The following MALRD1 variants were observed in gnomAD, a reference collection of about 807,000 sequenced individuals.
The protein encoded by MALRD1 is MAM and LDL-receptor class A domain-containing protein 1.
A neutral mutation model predicts 242.1 loss-of-function variants in MALRD1; 247 were observed. The ratio of observed to expected loss-of-function variants is 1.02; its 90% CI spans 0.92 to 1.13. The LOEUF (loss-of-function observed/expected upper bound fraction) is 1.13, where lower values mean the gene tolerates loss of function less well. Ranked by LOEUF, MALRD1 falls within the 50% of genes most tolerant of loss-of-function variation. The pLI, the probability that MALRD1 is intolerant of heterozygous loss-of-function variation, is 0.00. For missense variants in MALRD1, 2,989 were observed against 2,533.1 expected (o/e 1.18, Z -3.86); for synonymous variants, 995 against 866.6 (o/e 1.15, Z -2.60).
chr10:19,673,356 C>T (rs1435936038), intron 36 of MALRD1, among the ~76,000 whole-genome samples: 1 of 152,104 alleles, frequency 6.6e-6, no homozygotes, highest in East Asian at 1.9e-4. Context: ...CACTGCACTC[C>T]AGCCTGGGTG....
chr10:19,413,206 A>G (rs935980290), intron 28 of MALRD1, among the ~76,000 whole-genome samples: 2 of 152,198 alleles, frequency 1.3e-5, no homozygotes, highest in African/African-American at 4.8e-5. Context: ...CTGACTTCAT[A>G]GCCCTTGATA....
rs149000981 is a variant in MALRD1, at chr10:19,708,632, C to T, written c.6314+16078C>T. 3.8e-3 allele frequency among the ~76,000 whole-genome samples: 449 copies of T among 118,126 alleles called. 125 individuals carry two copies. The East Asian group carries it at 0.086, about 23-fold the overall frequency. The allele number at this position is 118,126 out of a possible 152,430, so 77.5% of individuals were successfully genotyped here. ...AAGTACTGGAATCATGTGCCTGAGC[C>T]GCCGTGCCTGGCCACATTTATTTTT... is the stretch of plus-strand genomic sequence containing the variant. On this transcript the variant is annotated intron_variant, in intron 38 of 39. Transcript: ENST00000454679.
intron 26 of MALRD1, among the ~76,000 whole-genome samples, chr10:19,366,293 C>T (rs1022221905): frequency 6.6e-6 from 1 of 151,788 alleles, no homozygotes; most frequent in Middle Eastern, 3.2e-3. Flanking sequence ...ATAAGGAGCA[C>T]ACAACCTAGA....
At chr10:19,673,817 C>T (rs940381311) in intron 36 of MALRD1, among the ~76,000 whole-genome samples, 1 of 151,692 alleles carries the variant, frequency 6.6e-6, no homozygotes, top group Non-Finnish European at 1.5e-5. Context: ...TTTCAGATTT[C>T]TATTGATATA....
chr10:19,252,517 A>G (rs1403810352), intron 18 of MALRD1, among the ~76,000 whole-genome samples: 2 of 152,086 alleles, frequency 1.3e-5, no homozygotes, highest in East Asian at 1.9e-4. Flanking sequence ...AAAGATCAAC[A>G]TAAATTTTGT....
At position 19,570,128 on chromosome 10, in the gene MALRD1, TA is replaced by T. The variant is rs1836453400; in HGVS notation, c.5680+2428del. 2.0e-5 allele frequency among the ~76,000 whole-genome samples: 3 copies of T among 152,022 alleles called. No homozygotes were observed. In the South Asian group the frequency reaches 6.2e-4, roughly 31 times the overall value. ...AACAAAACACTAAGACCTTTGGTATTAAACCTTGAACTTTGTCATTTTGTGT... is the reference window on the plus strand; with the variant it reads ...AACAAAACACTAAGACCTTTGGTATTAACCTTGAACTTTGTCATTTTGTGT... On this transcript the variant is annotated intron_variant, in intron 33 of 39. Coordinates refer to ENST00000454679, the MANE Select transcript of MALRD1 (RefSeq NM_001142308.3).
intron 18 of MALRD1, among the ~76,000 whole-genome samples, chr10:19,255,541 G>T (rs1307546255): frequency 5.9e-5 from 9 of 151,894 alleles, no homozygotes; most frequent in Non-Finnish European, 1.3e-4. Context: ...GCTGAAGTGT[G>T]ATTATTATCA....
intron 12 of MALRD1, among the ~76,000 whole-genome samples, chr10:19,156,917 T>C (rs1834170978): frequency 6.6e-6 from 1 of 152,130 alleles, no homozygotes; most frequent in Non-Finnish European, 1.5e-5. Flanking sequence ...TTTGGGTGCT[T>C]GGTAGTTTAT....
chr10:19,456,346 C>G (rs1416078179), intron 29 of MALRD1, among the ~76,000 whole-genome samples: 1 of 151,488 alleles, frequency 6.6e-6, no homozygotes, highest in South Asian at 2.1e-4. Context: ...ACTTTTGCAT[C>G]TTTCATTTTT....
At chr10:19,318,540 A>G (rs1322741370) in intron 21 of MALRD1, among the ~76,000 whole-genome samples, 1 of 149,652 alleles carries the variant, frequency 6.7e-6, no homozygotes, top group Non-Finnish European at 1.5e-5. Flanking sequence ...TTATTTGTGT[A>G]GTTTCTGGGA....
intron 28 of MALRD1, among the ~76,000 whole-genome samples, chr10:19,448,284 ATGTCATT>A (rs1186356750): frequency 6.6e-6 from 1 of 152,078 alleles, no homozygotes; most frequent in Non-Finnish European, 1.5e-5. Context: ...TCCCTTCTGT[ATGTCATT>A]TCCCTAAATC....
At chr10:19,613,059 C>T (rs183435201) in intron 35 of MALRD1, among the ~76,000 whole-genome samples, 79 of 152,038 alleles carry the variant, frequency 5.2e-4, no homozygotes, top group Non-Finnish European at 8.2e-4. Flanking sequence ...CACTATCCTT[C>T]ATGATTATCA....
At chr10:19,087,698 C>A (rs1328594516) in intron 2 of MALRD1, 142 bp from the exon 3 acceptor site, 4 of 415,294 alleles carry the variant, frequency 9.6e-6, no homozygotes, top group Non-Finnish European at 1.6e-5. Context: ...ATGTTACAAA[C>A]AATCCAATCA....
At chr10:19,443,679 T>G (rs1834797988) in intron 28 of MALRD1, among the ~76,000 whole-genome samples, 1 of 152,226 alleles carries the variant, frequency 6.6e-6, no homozygotes, top group Non-Finnish European at 1.5e-5. Flanking sequence ...CACTGTGGTC[T>G]GTGAGACAGT....
chr10:19,342,204 C>T (rs899029191), intron 24 of MALRD1, among the ~76,000 whole-genome samples: 4 of 152,136 alleles, frequency 2.6e-5, no homozygotes, highest in Non-Finnish European at 4.4e-5. Context: ...ACAGTGTACA[C>T]TGCCTCTGGG....
At chr10:19,635,448 A>G (rs1207101688) in intron 36 of MALRD1, among the ~76,000 whole-genome samples, 2 of 152,210 alleles carry the variant, frequency 1.3e-5, no homozygotes, top group East Asian at 1.9e-4. Context: ...AATTAGGCAT[A>G]AAAACTAGTC....
intron 2 of MALRD1, among the ~76,000 whole-genome samples, chr10:19,073,458 T>C (rs560556599): frequency 6.6e-6 from 1 of 152,182 alleles, no homozygotes; most frequent in East Asian, 1.9e-4. Flanking sequence ...TGCTCCGAAA[T>C]TGGAAACTTT....
intron 19 of MALRD1, among the ~76,000 whole-genome samples, chr10:19,262,634 C>T (rs981573990): frequency 7.0e-5 from 10 of 143,122 alleles, no homozygotes; most frequent in South Asian, 4.4e-4. Flanking sequence ...CCAGCCTGCG[C>T]GACAGAGCAA....
At chr10:19,235,227 A>G (rs757211558) in intron 18 of MALRD1, among the ~76,000 whole-genome samples, 1 of 152,142 alleles carries the variant, frequency 6.6e-6, no homozygotes, top group African/African-American at 2.4e-5. Context: ...AAGTAGGGCT[A>G]TAGCTAAAAA....
Sources: allele counts gnomAD v4.1 joint callset (sites outside exome capture counted in the v4.1 genomes callset), GRCh38; gene constraint gnomAD v4.1.1; transcripts MANE v1.5; gene names NCBI Gene and HGNC (gene_info 2026-07-23, HGNC 2026-07-21).